The following FHIT variants were observed in gnomAD, a reference collection of about 807,000 sequenced individuals.
FHIT encodes bis(5'-adenosyl)-triphosphatase.
In FHIT, 19 loss-of-function variants were observed where a neutral mutation model predicts 17.9. The ratio of observed to expected loss-of-function variants is 1.06; its 90% CI spans 0.74 to 1.56. FHIT has a LOEUF of 1.56. Among genes scored for constraint, FHIT ranks in the 40% most tolerant of loss-of-function variants. The pLI, the probability that FHIT is intolerant of heterozygous loss-of-function variation, is 0.00. For synonymous variants in FHIT, 81 were observed against 69.7 expected (o/e 1.16, Z -0.81); for missense variants, 248 against 189.2 (o/e 1.31, Z -1.82).
chr3:61,242,293 A>AC lies in FHIT; in HGVS notation c.-213+9007_-213+9008insG, dbSNP rs111384357. On this transcript the variant is annotated intron_variant, in intron 1 of 9. Transcript: ENST00000492590. The stretch of plus-strand genomic sequence containing the variant: ...AGCAGATTCAGAAAAAACAACAACA[A>AC]AAAAAAAAACACCTCTGCCCTCCTC... Among the ~76,000 whole-genome samples the AC allele has an allele frequency of 1.3e-3, 189 of 150,348 alleles. 3 individuals are homozygous for AC. Among genetic ancestry groups the AC allele is most frequent in the African/African-American group, 4.5e-3 (184 of 41,276 alleles).
chr3:61,110,617 T>A (rs927163443), intron 2 of FHIT, among the ~76,000 whole-genome samples: 31 of 152,180 alleles, frequency 2.0e-4, no homozygotes, highest in Non-Finnish European at 4.6e-4. Flanking sequence ...GTTCTACTCA[T>A]TCTTCTGCCT....
intron 4 of FHIT, among the ~76,000 whole-genome samples, chr3:60,799,055 C>T (rs1263713430): frequency 2.0e-5 from 3 of 152,290 alleles, no homozygotes; most frequent in Middle Eastern, 3.4e-3. Flanking sequence ...TTCTTGCCCT[C>T]ACCAACCTAT....
chr3:60,781,588 T>C (rs184593294), intron 4 of FHIT, among the ~76,000 whole-genome samples: 1 of 152,336 alleles, frequency 6.6e-6, no homozygotes, highest in Non-Finnish European at 1.5e-5. Flanking sequence ...TTATAGTCAC[T>C]TGACCTCTCT....
At chr3:61,100,599 T>C (rs746036014) in intron 2 of FHIT, among the ~76,000 whole-genome samples, 30 of 152,232 alleles carry the variant, frequency 2.0e-4, no homozygotes, top group Non-Finnish European at 4.1e-4. Context: ...CTGGGTCAAA[T>C]GGTAATTCTA....
intron 5 of FHIT, among the ~76,000 whole-genome samples, chr3:60,166,390 G>A (rs1701177677): frequency 1.3e-5 from 2 of 152,118 alleles, no homozygotes; most frequent in East Asian, 1.9e-4. Context: ...ACTCATCTTT[G>A]GCTGCTATTT....
At chr3:61,140,022 C>CA (rs112352685) in intron 2 of FHIT, among the ~76,000 whole-genome samples, 35,868 of 109,860 alleles carry the variant, frequency 0.33, 4,841 homozygotes, top group East Asian at 0.53. Flanking sequence ...CAAGAGAAAG[C>CA]AAAAAAAAAA....
chr3:59,859,477 G>T (rs1277204786), intron 8 of FHIT, among the ~76,000 whole-genome samples: 1 of 152,202 alleles, frequency 6.6e-6, no homozygotes, highest in African/African-American at 2.4e-5. Flanking sequence ...CAGCACTTTG[G>T]GAGGCTGAGG....
At chr3:60,139,033 T>C (rs1289623185) in intron 5 of FHIT, among the ~76,000 whole-genome samples, 1 of 152,154 alleles carries the variant, frequency 6.6e-6, no homozygotes, top group African/African-American at 2.4e-5. Context: ...TCTCCTCCAA[T>C]GTTCTAGCCA....
intron 8 of FHIT, among the ~76,000 whole-genome samples, chr3:59,789,157 T>G (rs1699443813): frequency 6.6e-6 from 1 of 152,174 alleles, no homozygotes; most frequent in Non-Finnish European, 1.5e-5. Context: ...TGAAGATCCA[T>G]TAGGGACTTT....
intron 4 of FHIT, among the ~76,000 whole-genome samples, chr3:60,737,624 G>C (rs1296287700): frequency 6.6e-6 from 1 of 152,186 alleles, no homozygotes; most frequent in Admixed American, 6.5e-5. Context: ...TTGTATTTCA[G>C]CTGCATCGTA....
At chr3:60,691,342 A>G (rs1422253872) in intron 4 of FHIT, among the ~76,000 whole-genome samples, 1 of 150,370 alleles carries the variant, frequency 6.7e-6, no homozygotes, top group Non-Finnish European at 1.5e-5. Flanking sequence ...AGAAATTATC[A>G]ATTTTTTTCC....
At chr3:60,527,382 A>G (rs562033850) in intron 5 of FHIT, among the ~76,000 whole-genome samples, 3 of 152,358 alleles carry the variant, frequency 2.0e-5, no homozygotes, top group African/African-American at 7.2e-5. Flanking sequence ...CTTTTAAAGT[A>G]TTAGCACGTA....
rs980519156 is a variant in FHIT, at chr3:60,557,002, G to T, written c.-17-20023C>A. ...ATACCCATGAAGGAGAGACCATTCC[G>T]TTAGAAAACTTGTGCAGTAACATTT... On this transcript the variant is annotated intron_variant, in intron 4 of 9. Transcript: ENST00000492590. Among the ~76,000 whole-genome samples, 6 of 152,302 alleles carry T rather than the reference G, an allele frequency of 3.9e-5. No individual in the cohort carries two copies. The South Asian group carries it at 1.2e-3, about 32-fold the overall frequency.
At chr3:60,703,666 G>C (rs1343778631) in intron 4 of FHIT, among the ~76,000 whole-genome samples, 1 of 152,040 alleles carries the variant, frequency 6.6e-6, no homozygotes, top group South Asian at 2.1e-4. Flanking sequence ...GATTTGTACA[G>C]TTGAGCCCCA....
intron 4 of FHIT, among the ~76,000 whole-genome samples, chr3:60,712,699 A>C (rs1248956446): frequency 6.6e-6 from 1 of 151,018 alleles, no homozygotes; most frequent in African/African-American, 2.4e-5. Flanking sequence ...CATAATGGTA[A>C]AGGGATCAAT....
intron 3 of FHIT, among the ~76,000 whole-genome samples, chr3:60,864,392 C>G (rs1704067650): frequency 6.6e-6 from 1 of 152,058 alleles, no homozygotes; most frequent in South Asian, 2.1e-4. Flanking sequence ...ACAGGAGGTC[C>G]AACTTTAGAG....
At chr3:60,622,037 G>A (rs960441871) in intron 4 of FHIT, among the ~76,000 whole-genome samples, 2 of 152,068 alleles carry the variant, frequency 1.3e-5, no homozygotes, top group African/African-American at 4.8e-5. Flanking sequence ...ACAAACATAG[G>A]AATTGTTATC....
chr3:60,901,363 C>T (rs774992694), intron 3 of FHIT, among the ~76,000 whole-genome samples: 7 of 152,100 alleles, frequency 4.6e-5, no homozygotes, highest in Non-Finnish European at 1.0e-4. Context: ...AGGATGTAGC[C>T]ATCTCAGACA....
chr3:60,047,091 G>C (rs912862001), intron 5 of FHIT, among the ~76,000 whole-genome samples: 7 of 152,196 alleles, frequency 4.6e-5, no homozygotes, highest in Non-Finnish European at 1.0e-4. Flanking sequence ...CATTTTGCTA[G>C]GAATTTGTTA....
Sources: allele counts gnomAD v4.1 joint callset (sites outside exome capture counted in the v4.1 genomes callset), GRCh38; gene constraint gnomAD v4.1.1; transcripts MANE v1.5; gene names NCBI Gene and HGNC (gene_info 2026-07-23, HGNC 2026-07-21).